Variants in FRYL observed in about 807,000 individuals in gnomAD.
FRYL encodes the protein FRY like transcription coactivator.
A neutral mutation model predicts 351.2 loss-of-function variants in FRYL; 150 were observed. That is an observed-to-expected ratio of 0.43 (90% CI 0.37 to 0.49). FRYL has a LOEUF of 0.49. FRYL is among the 20% of genes least tolerant of loss of function. The pLI is 0.00. For missense variants in FRYL, 3,036 were observed against 3,619.3 expected (o/e 0.84, Z 4.13); for synonymous variants, 1,153 against 1,257.1 (o/e 0.92, Z 1.75).
At chr4:48,523,435 T>C (rs1725322591) in intron 53 of FRYL, 1 of 202,452 alleles carries the variant, frequency 4.9e-6, no homozygotes, top group Non-Finnish European at 1.0e-5. Flanking sequence ...AGAAGACAAA[T>C]ACATCACAGA....
At chr4:48,770,733 G>A (rs1298731131) in intron 1 of FRYL, among the ~76,000 whole-genome samples, 4 of 152,048 alleles carry the variant, frequency 2.6e-5, no homozygotes, top group African/African-American at 7.2e-5. Context: ...CACCACGCCC[G>A]GGTTAATGTC....
Position 48,528,340 on chromosome 4 carries a change from C to T in FRYL, c.6904-4G>A, listed in dbSNP as rs1726729206. ...ATTTGTTTCCAATAATTGGTGTCTA[C>T]ACAGAAACAAAATGTCAGTGTTTGG... On this transcript the variant is annotated splice_polypyrimidine_tract_variant and splice_region_variant and intron_variant, in intron 50 of 63. Transcript: ENST00000358350. The T allele has an allele frequency of 6.3e-7, 1 of 1,594,592 alleles. No homozygotes were observed. The highest frequency in any genetic ancestry group is 8.5e-7 in the Non-Finnish European group (1 of 1,170,118).
intron 35 of FRYL, among the ~76,000 whole-genome samples, chr4:48,554,637 C>T (rs1184053308): frequency 1.3e-5 from 2 of 152,212 alleles, no homozygotes. Context: ...CAGCACCAGG[C>T]CAAAACTCTT....
chr4:48,749,178 T>C (rs922366269), intron 1 of FRYL, among the ~76,000 whole-genome samples: 1 of 152,196 alleles, frequency 6.6e-6, no homozygotes, highest in African/African-American at 2.4e-5. Flanking sequence ...GGAGAGCAGG[T>C]AATGTGATCC....
At chr4:48,594,237 AG>A (rs1744131427) in intron 15 of FRYL, among the ~76,000 whole-genome samples, 1 of 152,234 alleles carries the variant, frequency 6.6e-6, no homozygotes, top group Non-Finnish European at 1.5e-5. Context: ...AACAGAATAA[AG>A]TTTTAAACAT....
At chr4:48,733,241 C>T (rs369173813) in intron 1 of FRYL, among the ~76,000 whole-genome samples, 3 of 151,404 alleles carry the variant, frequency 2.0e-5, no homozygotes, top group East Asian at 3.9e-4. Flanking sequence ...TGCCACTGCA[C>T]TCTAGCCTGT....
chr4:48,626,644 G>A (rs1751886688), intron 4 of FRYL, among the ~76,000 whole-genome samples: 1 of 151,998 alleles, frequency 6.6e-6, no homozygotes, highest in Non-Finnish European at 1.5e-5. Flanking sequence ...TTTCTGTTGA[G>A]AATTTCAGGA....
At chr4:48,721,789 C>T (rs1222177264) in intron 1 of FRYL, among the ~76,000 whole-genome samples, 8 of 152,056 alleles carry the variant, frequency 5.3e-5, no homozygotes, top group Non-Finnish European at 5.9e-5. Context: ...TACAGGCACC[C>T]GCCACCACAC....
At chr4:48,619,031 AGCTCCATTTT>A (rs1750126072) in intron 7 of FRYL, 1 of 359,852 alleles carries the variant, frequency 2.8e-6, no homozygotes, top group Admixed American at 4.7e-5. Flanking sequence ...ATTTCCATTC[AGCTCCATTTT>A]GCTAACAAGA....
At chr4:48,740,168 T>C (rs1281826092) in intron 1 of FRYL, among the ~76,000 whole-genome samples, 1 of 151,936 alleles carries the variant, frequency 6.6e-6, no homozygotes, top group Non-Finnish European at 1.5e-5. Context: ...AAAGGCACTG[T>C]CAAGAGACTG....
intron 3 of FRYL, among the ~76,000 whole-genome samples, chr4:48,657,695 T>G (rs1457394092): frequency 6.6e-6 from 1 of 152,198 alleles, no homozygotes; most frequent in Non-Finnish European, 1.5e-5. Context: ...TTTGGATAAT[T>G]TCCTTCAATT....
In FRYL at chr4:48,623,193, A is replaced by G; in HGVS notation, c.121-14T>C. 1 of 1,340,100 alleles carries G rather than the reference A, an allele frequency of 7.5e-7. No individual in the cohort carries two copies. 83.0% of individuals were successfully genotyped at this position (1,340,100 alleles called of 1,614,324 possible). A position where few individuals can be genotyped will look rare whatever the true frequency, so the allele number is the denominator to read the frequency against. The stretch of plus-strand genomic sequence containing the variant: ...CAATAGCTTCTCCTATGATTAAAAA[A>G]AACAAACATTAAAAATAAAAATAAA... On this transcript the variant is annotated splice_polypyrimidine_tract_variant and intron_variant, in intron 4 of 63. Coordinates refer to ENST00000358350, the MANE Select transcript of FRYL (RefSeq NM_015030.2).
At chr4:48,716,405 C>T (rs960054059) in intron 1 of FRYL, among the ~76,000 whole-genome samples, 1 of 151,548 alleles carries the variant, frequency 6.6e-6, no homozygotes, top group Non-Finnish European at 1.5e-5. Flanking sequence ...CCAGAATCTA[C>T]AATGAACTCC....
chr4:48,690,757 T>C (rs528895036), intron 2 of FRYL, among the ~76,000 whole-genome samples: 1 of 152,288 alleles, frequency 6.6e-6, no homozygotes, highest in African/African-American at 2.4e-5. Flanking sequence ...AATTATACAA[T>C]GGAACTTATG....
Position 48,581,571 on chromosome 4 carries a change from G to T in FRYL, c.2021C>A (p.Pro674His), listed in dbSNP as rs751377910. The change falls in exon 21 of 64, where the codon CCT becomes CAT. Residue 674 changes from proline (P) to histidine (H), a missense_variant. By Grantham distance (77) the Pro-to-His change is moderately conservative. This residue lies in a region of FRYL where 492 missense variants were observed against 551.5 expected (regional missense o/e 0.89). Coordinates refer to ENST00000358350, the MANE Select transcript of FRYL (RefSeq NM_015030.2). Reference sequence around the variant, plus strand: ...ATTGGAATATGGGCTCCTTTCCAGAGGAGGGGGATGAGAAGCTCCATTAGC... The same window carrying T: ...ATTGGAATATGGGCTCCTTTCCAGATGAGGGGGATGAGAAGCTCCATTAGC... ...GVANGASHPPPLERSPYSNVF... is the reference protein window; with the variant it reads ...GVANGASHPPHLERSPYSNVF... 1 of 1,612,246 alleles carries T rather than the reference G, an allele frequency of 6.2e-7. No individual in the cohort carries two copies. Among genetic ancestry groups the T allele is most frequent in the Non-Finnish European group, 8.5e-7 (1 of 1,179,254 alleles).
chr4:48,694,928 C>A (rs556848018), intron 2 of FRYL, among the ~76,000 whole-genome samples: 40 of 152,194 alleles, frequency 2.6e-4, no homozygotes, highest in African/African-American at 9.4e-4. Context: ...AAGAAGTCAG[C>A]TGGGCATGGT....
intron 43 of FRYL, among the ~76,000 whole-genome samples, chr4:48,544,498 A>G (rs1730913121): frequency 6.6e-6 from 1 of 152,180 alleles, no homozygotes; most frequent in Non-Finnish European, 1.5e-5. Flanking sequence ...TCCAATTTCT[A>G]TATACGTCCG....
At chr4:48,707,759 T>C (rs1166793857) in intron 2 of FRYL, among the ~76,000 whole-genome samples, 6 of 152,104 alleles carry the variant, frequency 3.9e-5, no homozygotes, top group Non-Finnish European at 7.4e-5. Flanking sequence ...ATGCTGACTT[T>C]AGCTACCTGC....
intron 5 of FRYL, among the ~76,000 whole-genome samples, chr4:48,622,513 A>C (rs1346844477): frequency 6.6e-6 from 1 of 152,192 alleles, no homozygotes; most frequent in Non-Finnish European, 1.5e-5. Context: ...TCCACTAAGT[A>C]ATTCTAACCA....
Sources: allele counts gnomAD v4.1 joint callset (sites outside exome capture counted in the v4.1 genomes callset), GRCh38; gene constraint gnomAD v4.1.1; regional missense constraint gnomAD v4.1.1; transcripts MANE v1.5; gene names NCBI Gene and HGNC (gene_info 2026-07-23, HGNC 2026-07-21).